LMNB1: variants seen among roughly 807,000 people sequenced by gnomAD.
LMNB1 encodes the protein lamin-B1.
In LMNB1, 23 loss-of-function variants were observed where a neutral mutation model predicts 67.1. That is an observed-to-expected ratio of 0.34 (90% CI 0.25 to 0.49). The LOEUF is 0.49. Ranked by LOEUF, LMNB1 falls within the 20% of genes least tolerant of loss-of-function variation. The pLI is 0.99. For synonymous variants in LMNB1, 281 were observed against 282.9 expected, an observed-to-expected ratio of 0.99 and a Z score of 0.07; for missense variants, 634 against 746.5, an observed-to-expected ratio of 0.85 and a Z score of 1.76.
At chr5:126,835,477 G>A (rs1231029604) in intron 10 of LMNB1, among the ~76,000 whole-genome samples, 2 of 152,190 alleles carry the variant, frequency 1.3e-5, no homozygotes, top group Non-Finnish European at 2.9e-5. Context: ...GATGGCTTGG[G>A]ATGTGTAAGT....
At chr5:126,780,077 A>G (rs1334415815) in intron 1 of LMNB1, among the ~76,000 whole-genome samples, 3 of 152,034 alleles carry the variant, frequency 2.0e-5, no homozygotes, top group Non-Finnish European at 4.4e-5. Flanking sequence ...CTGTAATCCC[A>G]GCTACTGGGG....
At chr5:126,789,456 G>A (rs1191594445) in intron 1 of LMNB1, among the ~76,000 whole-genome samples, 1 of 152,120 alleles carries the variant, frequency 6.6e-6, no homozygotes, top group Non-Finnish European at 1.5e-5. Context: ...TGCAGTGACA[G>A]CTCGCATAAA....
rs1355755081 is a variant in LMNB1, at chr5:126,818,928, G to A, written c.946G>A (p.Ala316Thr). The A allele has an allele frequency of 1.2e-6, 2 of 1,611,126 alleles. No individual in the cohort carries two copies. Among genetic ancestry groups the A allele is most frequent in the South Asian group, 2.2e-5 (2 of 91,020 alleles). The change falls in exon 6 of 11, where the codon GCA (alanine) becomes ACA (threonine). Residue 316 changes from alanine to threonine, a missense_variant. Ala to Thr is a moderately conservative substitution (Grantham distance 58). Transcript: ENST00000261366. ...TGTTTCCTTGCATCTTAAGTCTAGA[G>A]CATGTTTGGAAAGGATTCAAGAATT... ...QLSNLQKESR[A>T]CLERIQELED...
chr5:126,805,520 A>G lies in LMNB1; in HGVS notation c.517-51A>G, dbSNP rs199504175. 73 of 1,319,988 alleles carry G rather than the reference A, an allele frequency of 5.5e-5. No homozygotes were observed. The East Asian group carries it at 1.6e-3, about 29-fold the overall frequency. 81.8% of individuals were successfully genotyped at this position (1,319,988 alleles called of 1,614,324 possible). On this transcript the variant is annotated intron_variant, in intron 2 of 10. Coordinates refer to ENST00000261366, the MANE Select transcript of LMNB1 (RefSeq NM_005573.4). ...GATTCATAGATATCTTATGTTCATT[A>G]TTAAATGATTGCCATGTAATTTTTA...
chr5:126,779,085 G>C (rs1353439305), intron 1 of LMNB1, among the ~76,000 whole-genome samples: 1 of 152,142 alleles, frequency 6.6e-6, no homozygotes. Context: ...TTCTCACTTT[G>C]ACACCCTTTG....
At chr5:126,816,932 C>T (rs1235012813) in intron 5 of LMNB1, among the ~76,000 whole-genome samples, 1 of 152,194 alleles carries the variant, frequency 6.6e-6, no homozygotes, top group Non-Finnish European at 1.5e-5. Flanking sequence ...CGTTCCCATA[C>T]ACTGTTCATG....
chr5:126,778,114 C>T (rs1291546163), intron 1 of LMNB1, among the ~76,000 whole-genome samples: 1 of 152,146 alleles, frequency 6.6e-6, no homozygotes, highest in Non-Finnish European at 1.5e-5. Context: ...TTTTGGATAC[C>T]CGCTGGGACG....
At chr5:126,825,777 T>C (rs910022307) in intron 8 of LMNB1, among the ~76,000 whole-genome samples, 1 of 152,156 alleles carries the variant, frequency 6.6e-6, no homozygotes, top group Non-Finnish European at 1.5e-5. Context: ...CAGGGTCTTA[T>C]ATATTATCAT....
Position 126,777,683 on chromosome 5 carries a change from G to A in LMNB1, c.175G>A (p.Ala59Thr). The A allele has an allele frequency of 1.3e-6, 2 of 1,545,304 alleles. No homozygotes were observed. The highest frequency in any genetic ancestry group is 1.2e-5 in the South Asian group (1 of 83,520). ...KVRSLETENS[A>T]LQLQVTEREE... ...GCGCAGCCTGGAGACGGAGAACAGC[G>A]CGCTGCAGCTGCAGGTGACGGAGCG... is the stretch of plus-strand genomic sequence containing the variant. Residue 59 changes from alanine to threonine, a missense_variant, in exon 1 of 11, where the codon GCG becomes ACG. Transcript: ENST00000261366.
chr5:126,777,598 C>G lies in LMNB1; in HGVS notation c.90C>G (p.Leu30=), dbSNP rs773715817. ...TGAGCCCCACGCGCCTGTCGCGGCT[C>G]CAGGAGAAGGAGGAGCTGCGCGAGC... ...TPLSPTRLSR[L]QEKEELRELN... Residue 30 remains leucine, a synonymous_variant, in exon 1 of 11, where the codon CTC becomes CTG. Transcript: ENST00000261366. The G allele has an allele frequency of 6.5e-7, 1 of 1,532,216 alleles. No homozygotes were observed. The highest frequency in any genetic ancestry group is 8.8e-7 in the Non-Finnish European group (1 of 1,139,618). 94.9% of individuals were successfully genotyped at this position (1,532,216 alleles called of 1,614,324 possible). A position where few individuals can be genotyped will look rare whatever the true frequency, so the allele number is the denominator to read the frequency against.
chr5:126,834,744 C>T (rs1439553647), intron 10 of LMNB1, among the ~76,000 whole-genome samples: 5 of 152,040 alleles, frequency 3.3e-5, no homozygotes, highest in South Asian at 4.1e-4. Flanking sequence ...GGCGTGGTGG[C>T]GGGAGCCTGT....
intron 1 of LMNB1, among the ~76,000 whole-genome samples, chr5:126,791,485 G>C (rs1420216211): frequency 6.6e-6 from 1 of 151,456 alleles, no homozygotes; most frequent in Non-Finnish European, 1.5e-5. Flanking sequence ...TTAAAGATAG[G>C]GTCTTACCCT....
At chr5:126,810,762 G>T (rs1751562815) in intron 4 of LMNB1, among the ~76,000 whole-genome samples, 1 of 152,210 alleles carries the variant, frequency 6.6e-6, no homozygotes, top group Non-Finnish European at 1.5e-5. Context: ...ATTGTGCATA[G>T]ATTGTGACTA....
chr5:126,788,489 T>C (rs956066622), intron 1 of LMNB1, among the ~76,000 whole-genome samples: 1 of 152,038 alleles, frequency 6.6e-6, no homozygotes, highest in African/African-American at 2.4e-5. Flanking sequence ...ATGCAAAAAT[T>C]AGCCAGGCGT....
intron 7 of LMNB1, 139 bp from the exon 8 acceptor site, chr5:126,822,642 T>C: frequency 1.8e-6 from 1 of 548,710 alleles, no homozygotes; most frequent in Non-Finnish European, 3.2e-6. Flanking sequence ...TTTCTTTTTA[T>C]AGTAGGAAAA....
intron 1 of LMNB1, among the ~76,000 whole-genome samples, chr5:126,795,933 C>CTTTTTTTTT (rs70997314): frequency 0.05 from 4,100 of 81,782 alleles, 664 homozygotes; most frequent in Middle Eastern, 0.06. Flanking sequence ...GCCCAGGATG[C>CTTTTTTTTT]TTTTTTTTTT....
At position 126,777,520 on chromosome 5, in the gene LMNB1, G is replaced by A; in HGVS notation, c.12G>A (p.Ala4=). 7.3e-7 allele frequency: 1 copy of A among 1,366,084 alleles called. No individual in the cohort carries two copies. Among genetic ancestry groups the A allele is most frequent in the Non-Finnish European group, 9.4e-7 (1 of 1,060,720 alleles). 84.6% of individuals were successfully genotyped at this position (1,366,084 alleles called of 1,614,324 possible). The change falls in exon 1 of 11, where the codon GCG becomes GCA. Residue 4 remains alanine, a synonymous_variant. Coordinates refer to ENST00000261366, the MANE Select transcript of LMNB1 (RefSeq NM_005573.4). MAT[A]TPVPPRMGSR... ...CTCCGCCGCCCGCCATGGCGACTGC[G>A]ACCCCCGTGCCGCCGCGGATGGGCA...
chr5:126,834,182 A>G (rs530085636), intron 10 of LMNB1, among the ~76,000 whole-genome samples: 1 of 152,076 alleles, frequency 6.6e-6, no homozygotes, highest in South Asian at 2.1e-4. Flanking sequence ...CTAACAGAGT[A>G]AGTGGAGGGT....
chr5:126,777,837 G>A lies in LMNB1; in HGVS notation c.329G>A (p.Cys110Tyr). ...RAKLQIELGK[C>Y]KAEHDQLLLN... ...AAGCTGCAGATCGAGCTGGGCAAGT[G>A]CAAGGCGGAACACGACCAGCTGCTC... Residue 110 changes from cysteine (C) to tyrosine (Y), a missense_variant, in exon 1 of 11, where the codon TGC becomes TAC. Transcript: ENST00000261366. 1 of 1,456,476 alleles carries A rather than the reference G, an allele frequency of 6.9e-7. No homozygotes were observed. Among genetic ancestry groups the A allele is most frequent in the East Asian group, 2.8e-5 (1 of 36,090 alleles). 90.2% of individuals were successfully genotyped at this position (1,456,476 alleles called of 1,614,324 possible).
Sources: gnomAD v4.1 joint callset for allele counts (sites outside exome capture counted in the v4.1 genomes callset) on GRCh38, gnomAD v4.1.1 for gene constraint, MANE v1.5 for transcripts, NCBI Gene and HGNC (gene_info 2026-07-23, HGNC 2026-07-21) for gene names.